Variants in PTGS1 observed in about 807,000 individuals in gnomAD.
PTGS1 encodes prostaglandin G/H synthase 1.
PTGS1 carries 40 observed loss-of-function variants against 63.0 expected under a neutral mutation model. That is an observed-to-expected ratio of 0.63 (90% confidence interval 0.49 to 0.83). The LOEUF is 0.83. Among genes scored for constraint, PTGS1 ranks in the 40% least tolerant of loss-of-function variants. The probability of loss-of-function intolerance (pLI) is 0.00; values close to 1 mark genes in which losing one functional copy is unlikely to be tolerated. For missense variants in PTGS1, 709 were observed against 786.5 expected (o/e 0.90, Z 1.18); for synonymous variants, 298 against 301.9 (o/e 0.99, Z 0.13).
intron 2 of PTGS1, among the ~76,000 whole-genome samples, 164 bp downstream of exon 2, chr9:122,371,436 C>T (rs10306116): frequency 0.011 from 1,609 of 152,050 alleles, 28 homozygotes; most frequent in African/African-American, 0.037. Flanking sequence ...TCCCTGAAGC[C>T]CCCCCGGCGG....
intron 10 of PTGS1, 27 bp from the exon 11 acceptor site, chr9:122,392,162 C>T (rs867290519): frequency 1.3e-6 from 2 of 1,546,698 alleles, no homozygotes; most frequent in Middle Eastern, 3.5e-4. Flanking sequence ...GGATCTGATG[C>T]TAGCATTTCC....
At chr9:122,374,824 A>T (rs2119118319) in intron 2 of PTGS1, among the ~76,000 whole-genome samples, 1 of 152,226 alleles carries the variant, frequency 6.6e-6, no homozygotes, top group South Asian at 2.1e-4. Context: ...CCCTTCCCCA[A>T]ATCCAGTCCT....
chr9:122,375,214 G>C, intron 2 of PTGS1: 3 of 819,084 alleles, frequency 3.7e-6, no homozygotes, highest in Non-Finnish European at 4.4e-6. Flanking sequence ...CGGGGGAGGC[G>C]GGAGGGGGGA....
At chr9:122,371,394 A>T (rs1387330751) in intron 2 of PTGS1, 122 bp downstream of exon 2, 2 of 1,488,638 alleles carry the variant, frequency 1.3e-6, no homozygotes, top group East Asian at 4.8e-5. Context: ...GCTGAGAAAG[A>T]CTGAGGCTGA....
At chr9:122,373,647 C>T (rs1468868356) in intron 2 of PTGS1, among the ~76,000 whole-genome samples, 2 of 152,224 alleles carry the variant, frequency 1.3e-5, no homozygotes, top group African/African-American at 4.8e-5. Flanking sequence ...GGCCAGCTGA[C>T]CCGGGCACAT....
intron 9 of PTGS1, among the ~76,000 whole-genome samples, chr9:122,387,543 T>G (rs142296233): frequency 1.3e-5 from 2 of 152,228 alleles, no homozygotes; most frequent in African/African-American, 4.8e-5. Context: ...CCAGTGTGAC[T>G]TATAAGAAGA....
At chr9:122,375,900 C>A (rs1241303308) in intron 2 of PTGS1, among the ~76,000 whole-genome samples, 1 of 152,090 alleles carries the variant, frequency 6.6e-6, no homozygotes, top group African/African-American at 2.4e-5. Context: ...GGAGGCCTAA[C>A]CCCTGTGCCC....
At chr9:122,389,688 T>G (rs10306170) in intron 9 of PTGS1, among the ~76,000 whole-genome samples, 1 of 152,002 alleles carries the variant, frequency 6.6e-6, no homozygotes, top group African/African-American at 2.4e-5. Context: ...GATGTGGTGG[T>G]TCATGCCTGT....
At chr9:122,371,757 G>A in intron 2 of PTGS1, 4 of 1,531,790 alleles carry the variant, frequency 2.6e-6, no homozygotes, top group South Asian at 2.4e-5. Flanking sequence ...ATGGGAGATG[G>A]AAATACATTT....
At chr9:122,390,970 G>T (rs1838185833) in intron 10 of PTGS1, among the ~76,000 whole-genome samples, 1 of 152,042 alleles carries the variant, frequency 6.6e-6, no homozygotes, top group African/African-American at 2.4e-5. Flanking sequence ...TGTGGCTGGG[G>T]CAAGGAGCTT....
intron 2 of PTGS1, 152 bp from the exon 3 acceptor site, chr9:122,377,747 T>G (rs1837262349): frequency 1.5e-6 from 1 of 664,668 alleles, no homozygotes; most frequent in Non-Finnish European, 2.6e-6. Flanking sequence ...AGGGGTCCCC[T>G]TGGGGGAACC....
chr9:122,392,360 G>A lies in PTGS1; in HGVS notation c.1616G>A (p.Cys539Tyr). The change falls in exon 11 of 11, where the codon TGT (cysteine) becomes TAT (tyrosine). Residue 539 changes from cysteine to tyrosine, a missense_variant. By Grantham distance (194) the Cys-to-Tyr change is radical. Transcript: ENST00000362012. The stretch of plus-strand genomic sequence containing the variant: ...AAGGGTCTCCTAGGGAATCCCATCT[G>A]TTCTCCGGAGTACTGGAAGCCGAGC... ...SLKGLLGNPICSPEYWKPSTF... is the reference protein window; with the variant it reads ...SLKGLLGNPIYSPEYWKPSTF... The A allele has an allele frequency of 1.2e-6, 2 of 1,614,180 alleles. No individual in the cohort carries two copies. Among genetic ancestry groups the A allele is most frequent in the Non-Finnish European group, 1.7e-6 (2 of 1,180,032 alleles).
chr9:122,390,163 G>GCTCCC, intron 9 of PTGS1, 35 bp from the exon 10 acceptor site: 1 of 1,601,994 alleles, frequency 6.2e-7, no homozygotes, highest in Non-Finnish European at 8.5e-7. Flanking sequence ...GCCTGGCCTG[G>GCTCCC]CTCCCAGACC....
intron 5 of PTGS1, among the ~76,000 whole-genome samples, chr9:122,379,737 A>C (rs566251890): frequency 3.9e-4 from 60 of 152,206 alleles, no homozygotes; most frequent in Non-Finnish European, 7.6e-4. Flanking sequence ...TCAGTGAGTG[A>C]TGATTCCAAA....
rs192430192 is a variant in PTGS1 at position 122,381,757 on chromosome 9, G to A, written c.762+10G>A. ...GAAACTCAAGTACCAGGTAGTGCTG[G>A]GCCAGGGGGTAGGGCAGAGGGAGGG... On this transcript the variant is annotated intron_variant, in intron 7 of 10. Transcript: ENST00000362012. 6,103 of 1,596,538 alleles carry A rather than the reference G, an allele frequency of 3.8e-3. 188 individuals carry two copies. In the African/African-American group the frequency reaches 0.083, roughly 22 times the overall value.
intron 2 of PTGS1, among the ~76,000 whole-genome samples, chr9:122,374,331 G>A (rs757940213): frequency 1.3e-5 from 2 of 152,156 alleles, no homozygotes; most frequent in Admixed American, 6.5e-5. Flanking sequence ...GGGCCTGGAC[G>A]TCGAAAGGAA....
chr9:122,391,366 T>TAC (rs1481079832), intron 10 of PTGS1, among the ~76,000 whole-genome samples: 9 of 86,912 alleles, frequency 1.0e-4, no homozygotes, highest in Non-Finnish European at 1.4e-4. Context: ...TACATATATA[T>TAC]ATATACATAT....
intron 8 of PTGS1, 73 bp downstream of exon 8, chr9:122,383,828 C>G (rs1837697804): frequency 1.3e-6 from 2 of 1,559,858 alleles, no homozygotes; most frequent in African/African-American, 2.7e-5. Flanking sequence ...CGGGGGGGTA[C>G]TTAGAGGTGG....
intron 2 of PTGS1, among the ~76,000 whole-genome samples, chr9:122,374,290 A>G (rs1836982897): frequency 6.6e-6 from 1 of 152,076 alleles, no homozygotes; most frequent in East Asian, 1.9e-4. Context: ...CAAATAATGG[A>G]GAGGGACAGA....
Sources: gnomAD v4.1 joint callset for allele counts (sites outside exome capture counted in the v4.1 genomes callset) on GRCh38, gnomAD v4.1.1 for gene constraint, MANE v1.5 for transcripts, NCBI Gene and HGNC (gene_info 2026-07-23, HGNC 2026-07-21) for gene names.